GRIK2: variants seen among roughly 807,000 people sequenced by gnomAD.
GRIK2 encodes the protein glutamate receptor ionotropic, kainate 2.
Under a neutral mutation model 100.3 loss-of-function variants are expected in GRIK2, and 32 were observed. The ratio of observed to expected loss-of-function variants is 0.32; its 90% CI spans 0.24 to 0.43. The LOEUF (loss-of-function observed/expected upper bound fraction) is 0.43. Among genes scored for constraint, GRIK2 ranks in the 20% least tolerant of loss-of-function variants. GRIK2 has a pLI of 1.00. For synonymous variants in GRIK2, 417 were observed against 389.4 expected (o/e 1.07, Z -0.83); for missense variants, 843 against 1,114.9 (o/e 0.76, Z 3.47).
intron 10 of GRIK2, among the ~76,000 whole-genome samples, chr6:101,831,083 A>G (rs963428645): frequency 6.6e-6 from 1 of 152,144 alleles, no homozygotes; most frequent in African/African-American, 2.4e-5. Flanking sequence ...TATCCATGTA[A>G]CAAACCTGCA....
chr6:101,435,306 G>A (rs189632946), intron 2 of GRIK2, among the ~76,000 whole-genome samples: 1 of 151,692 alleles, frequency 6.6e-6, no homozygotes, highest in East Asian at 1.9e-4. Context: ...CTCCCTTCAG[G>A]ACTCAATCTC....
chr6:101,585,330 T>C (rs796950652), intron 2 of GRIK2, among the ~76,000 whole-genome samples: 19 of 152,234 alleles, frequency 1.2e-4, no homozygotes, highest in African/African-American at 4.6e-4. Flanking sequence ...AGTATGAGTA[T>C]GTGTATATTC....
At chr6:101,544,151 CTT>C (rs1326998308) in intron 2 of GRIK2, among the ~76,000 whole-genome samples, 1 of 152,012 alleles carries the variant, frequency 6.6e-6, no homozygotes, top group Non-Finnish European at 1.5e-5. Context: ...GTTTTTTCTC[CTT>C]TTTATATCCC....
rs1219816108 is a variant in GRIK2 at position 101,897,135 on chromosome 6, A to G, written c.1748+7272A>G. ...TGTAGTGGGTTCTTTGGCAGTTACT[A>G]ATGTGTCTTTTATACATTTCTCACT... On this transcript the variant is annotated intron_variant, in intron 12 of 16. Coordinates refer to ENST00000369134, the MANE Select transcript of GRIK2 (RefSeq NM_021956.5). Among the ~76,000 whole-genome samples the G allele has an allele frequency of 5.3e-5, 8 of 151,696 alleles. No homozygotes were observed. In the East Asian group the frequency reaches 1.4e-3, roughly 26 times the overall value.
intron 14 of GRIK2, among the ~76,000 whole-genome samples, chr6:102,009,364 A>T (rs1038403891): frequency 2.0e-5 from 3 of 152,016 alleles, no homozygotes; most frequent in Admixed American, 6.6e-5. Context: ...AATTTAAGAG[A>T]TTATTTGCAT....
chr6:101,557,138 GA>G (rs1776786667), intron 2 of GRIK2, among the ~76,000 whole-genome samples: 1 of 152,000 alleles, frequency 6.6e-6, no homozygotes, highest in African/African-American at 2.4e-5. Context: ...TCTAATATTT[GA>G]AAATAATAAA....
At chr6:101,808,964 A>G (rs1013630482) in intron 9 of GRIK2, among the ~76,000 whole-genome samples, 2 of 151,532 alleles carry the variant, frequency 1.3e-5, no homozygotes, top group African/African-American at 2.4e-5. Context: ...ATGTTTGTCA[A>G]TTTCTATAGT....
At chr6:101,996,881 C>A (rs149327366) in intron 14 of GRIK2, among the ~76,000 whole-genome samples, 1 of 152,034 alleles carries the variant, frequency 6.6e-6, no homozygotes, top group African/African-American at 2.4e-5. Flanking sequence ...TAGAATTTCT[C>A]GATTTTTCAG....
chr6:101,655,991 T>C (rs1368142923), intron 4 of GRIK2, among the ~76,000 whole-genome samples: 1 of 151,962 alleles, frequency 6.6e-6, no homozygotes, highest in Non-Finnish European at 1.5e-5. Context: ...GTGGTAAAGA[T>C]TTGAAAAGTG....
chr6:101,654,221 A>C (rs140348025), intron 4 of GRIK2, among the ~76,000 whole-genome samples: 56 of 152,230 alleles, frequency 3.7e-4, no homozygotes, highest in African/African-American at 1.3e-3. Flanking sequence ...CTCTAAAATC[A>C]AGGTCATTGT....
chr6:101,802,487 A>C, intron 9 of GRIK2, 49 bp downstream of exon 9: 47 of 722,542 alleles, frequency 6.5e-5, no homozygotes, highest in Non-Finnish European at 9.5e-5. Context: ...AACATATCTC[A>C]AAGAAGACAA....
intron 14 of GRIK2, among the ~76,000 whole-genome samples, chr6:102,034,188 C>T (rs541593257): frequency 1.1e-4 from 17 of 151,408 alleles, no homozygotes; most frequent in Admixed American, 4.6e-4. Flanking sequence ...TTATAGAGCA[C>T]TCATTGTACC....
intron 2 of GRIK2, among the ~76,000 whole-genome samples, chr6:101,606,335 T>C (rs527392512): frequency 2.8e-4 from 42 of 152,132 alleles, no homozygotes; most frequent in African/African-American, 9.1e-4. Context: ...CATAGATAGA[T>C]TAGATTGGCA....
intron 7 of GRIK2, among the ~76,000 whole-genome samples, chr6:101,706,464 G>A (rs935072521): frequency 6.6e-6 from 1 of 151,664 alleles, no homozygotes; most frequent in African/African-American, 2.4e-5. Context: ...TATATTATGA[G>A]TATATAATAG....
intron 2 of GRIK2, among the ~76,000 whole-genome samples, chr6:101,579,885 C>A (rs1010569205): frequency 2.0e-5 from 3 of 151,694 alleles, no homozygotes; most frequent in Non-Finnish European, 2.9e-5. Context: ...CATTTGATAC[C>A]CTTTCTTCTG....
chr6:101,971,320 A>C (rs1793037658), intron 14 of GRIK2, among the ~76,000 whole-genome samples: 1 of 152,048 alleles, frequency 6.6e-6, no homozygotes. Context: ...ATATTAAGAG[A>C]AAATAAATGT....
At chr6:101,520,916 T>G (rs1774851194) in intron 2 of GRIK2, among the ~76,000 whole-genome samples, 2 of 152,112 alleles carry the variant, frequency 1.3e-5, no homozygotes, top group Admixed American at 6.6e-5. Context: ...TTTTCAAAAT[T>G]GCTAATTTAT....
intron 7 of GRIK2, among the ~76,000 whole-genome samples, chr6:101,705,870 ATTC>A (rs1773252455): frequency 1.3e-5 from 2 of 151,930 alleles, no homozygotes; most frequent in South Asian, 4.1e-4. Context: ...TTTAAAATAA[ATTC>A]TTTAAGAAGT....
chr6:101,984,614 A>AACACACACACACACAC (rs10678285), intron 14 of GRIK2, among the ~76,000 whole-genome samples: 2,804 of 129,152 alleles, frequency 0.022, 49 homozygotes, highest in South Asian at 0.027. Flanking sequence ...TACACATTAA[A>AACACACACACACACAC]ACACACACAC....
Sources: gnomAD v4.1 joint callset for allele counts (sites outside exome capture counted in the v4.1 genomes callset) on GRCh38, gnomAD v4.1.1 for gene constraint, MANE v1.5 for transcripts, NCBI Gene and HGNC (gene_info 2026-07-23, HGNC 2026-07-21) for gene names.